PARVA: variants seen among roughly 807,000 people sequenced by gnomAD.
The protein encoded by PARVA is alpha-parvin.
Under a neutral mutation model 52.6 loss-of-function variants are expected in PARVA, and 25 were observed. The ratio of observed to expected loss-of-function variants is 0.48; its 90% CI spans 0.35 to 0.66. The LOEUF (loss-of-function observed/expected upper bound fraction) is 0.66. PARVA is among the 30% of genes least tolerant of loss of function. The pLI, the probability that PARVA is intolerant of heterozygous loss-of-function variation, is 0.01. For missense variants in PARVA, 373 were observed against 450.9 expected (o/e 0.83, Z 1.56); for synonymous variants, 185 against 179.1 (o/e 1.03, Z -0.26).
At chr11:12,424,310 C>T (rs1940195765) in intron 1 of PARVA, among the ~76,000 whole-genome samples, 1 of 151,966 alleles carries the variant, frequency 6.6e-6, no homozygotes, top group South Asian at 2.1e-4. Context: ...AGTGATATGT[C>T]CATTTCCATC....
chr11:12,426,875 G>T (rs956420619), intron 1 of PARVA, among the ~76,000 whole-genome samples: 1 of 152,174 alleles, frequency 6.6e-6, no homozygotes, highest in African/African-American at 2.4e-5. Context: ...GCTTGGACCA[G>T]GGGTTGCAGT....
At chr11:12,495,135 AGAC>A (rs1315221994) in intron 4 of PARVA, among the ~76,000 whole-genome samples, 12 of 152,250 alleles carry the variant, frequency 7.9e-5, no homozygotes, top group African/African-American at 2.9e-4. Context: ...TGTAAGAAGA[AGAC>A]ATTTAGATTT....
At chr11:12,458,007 G>A (rs1183252562) in intron 1 of PARVA, among the ~76,000 whole-genome samples, 1 of 152,170 alleles carries the variant, frequency 6.6e-6, no homozygotes, top group African/African-American at 2.4e-5. Flanking sequence ...GAGCTCCTGG[G>A]GCCAGGGTTC....
In PARVA at chr11:12,449,515, C is replaced by A. The variant is rs535313701; in HGVS notation, c.137-24230C>A. Among the ~76,000 whole-genome samples, 3 of 152,284 alleles carry A rather than the reference C, an allele frequency of 2.0e-5. No homozygotes were observed. In the East Asian group the frequency reaches 5.8e-4, roughly 29 times the overall value. On this transcript the variant is annotated intron_variant, in intron 1 of 12. Transcript: ENST00000334956. Reference sequence around the variant, plus strand: ...ATTTAAGGCTCTGTCTTCTAAGGAACCTTCCCTGTTTCTGTCAATGAGTTC... The same window carrying A: ...ATTTAAGGCTCTGTCTTCTAAGGAAACTTCCCTGTTTCTGTCAATGAGTTC...
intron 1 of PARVA, among the ~76,000 whole-genome samples, chr11:12,411,338 C>T (rs1939989988): frequency 1.3e-5 from 2 of 152,098 alleles, no homozygotes; most frequent in South Asian, 4.2e-4. Flanking sequence ...TCCCATAGGC[C>T]CTGTACCCAG....
intron 1 of PARVA, among the ~76,000 whole-genome samples, chr11:12,456,681 G>A (rs576031746): frequency 6.6e-6 from 1 of 152,072 alleles, no homozygotes; most frequent in African/African-American, 2.4e-5. Context: ...TGTATGTCTT[G>A]TTCCCTCTTC....
At chr11:12,452,973 A>G in intron 1 of PARVA, 1 of 456,394 alleles carries the variant, frequency 2.2e-6, no homozygotes, top group Non-Finnish European at 4.4e-6. Flanking sequence ...TCTGGGCAGA[A>G]GATGCCATGA....
chr11:12,459,462 C>T (rs1207884609), intron 1 of PARVA, among the ~76,000 whole-genome samples: 1 of 151,854 alleles, frequency 6.6e-6, no homozygotes, highest in African/African-American at 2.4e-5. Flanking sequence ...TAGCGTGTGC[C>T]CTAACTCTCA....
chr11:12,418,047 A>AG (rs1940091987), intron 1 of PARVA, among the ~76,000 whole-genome samples: 1 of 152,206 alleles, frequency 6.6e-6, no homozygotes, highest in Non-Finnish European at 1.5e-5. Flanking sequence ...AAAACAAAAA[A>AG]CATCTGAAAC....
intron 4 of PARVA, among the ~76,000 whole-genome samples, chr11:12,489,441 A>G (rs1284996927): frequency 6.6e-6 from 1 of 152,220 alleles, no homozygotes; most frequent in Non-Finnish European, 1.5e-5. Flanking sequence ...AGAATCCAGT[A>G]TAGAAAGACA....
intron 10 of PARVA, among the ~76,000 whole-genome samples, chr11:12,514,394 A>T (rs909378486): frequency 6.6e-6 from 1 of 152,186 alleles, no homozygotes; most frequent in Non-Finnish European, 1.5e-5. Context: ...TAACCACAAC[A>T]CAATTATCAA....
chr11:12,478,256 C>T, intron 4 of PARVA: 1 of 417,740 alleles, frequency 2.4e-6, no homozygotes, highest in Non-Finnish European at 4.5e-6. Context: ...TCCGCCTCTC[C>T]AGAAAAGCAT....
At chr11:12,412,961 A>C (rs1940011807) in intron 1 of PARVA, among the ~76,000 whole-genome samples, 1 of 152,246 alleles carries the variant, frequency 6.6e-6, no homozygotes, top group African/African-American at 2.4e-5. Flanking sequence ...ATCTGAAATA[A>C]TGAAGCTGGA....
intron 1 of PARVA, 142 bp from the exon 2 acceptor site, chr11:12,473,603 T>TTGATCA (rs1940962096): frequency 1.5e-6 from 1 of 653,436 alleles, no homozygotes; most frequent in Non-Finnish European, 2.7e-6. Flanking sequence ...AGGCCATGAA[T>TTGATCA]TGATCGTAGG....
intron 1 of PARVA, among the ~76,000 whole-genome samples, chr11:12,435,670 G>A (rs542461019): frequency 1.3e-5 from 2 of 152,278 alleles, no homozygotes; most frequent in East Asian, 3.9e-4. Flanking sequence ...CAAAAGCTGG[G>A]CTGTGCAGTG....
chr11:12,422,519 A>G (rs1469079027), intron 1 of PARVA, among the ~76,000 whole-genome samples: 2 of 152,140 alleles, frequency 1.3e-5, no homozygotes, highest in African/African-American at 4.8e-5. Flanking sequence ...TGTGTTTCTT[A>G]TTGTGTTCAA....
chr11:12,395,160 A>G (rs1262791396), intron 1 of PARVA, among the ~76,000 whole-genome samples: 1 of 151,990 alleles, frequency 6.6e-6, no homozygotes. Flanking sequence ...TCTTGCAGAT[A>G]CTTTATTTTT....
chr11:12,468,617 G>A (rs1940887438), intron 1 of PARVA, among the ~76,000 whole-genome samples: 1 of 152,180 alleles, frequency 6.6e-6, no homozygotes, highest in Admixed American at 6.5e-5. Context: ...CAAACAGTAA[G>A]GGAATTTATT....
intron 4 of PARVA, among the ~76,000 whole-genome samples, chr11:12,482,774 A>G (rs1452257914): frequency 1.3e-5 from 2 of 152,224 alleles, no homozygotes; most frequent in Non-Finnish European, 2.9e-5. Context: ...ACTCCCATTT[A>G]TAAAACCATC....
Sources: gnomAD v4.1 joint callset for allele counts (sites outside exome capture counted in the v4.1 genomes callset) on GRCh38, gnomAD v4.1.1 for gene constraint, MANE v1.5 for transcripts, NCBI Gene and HGNC (gene_info 2026-07-23, HGNC 2026-07-21) for gene names.